Variants in MYO3A observed in about 807,000 individuals in gnomAD.
The protein encoded by MYO3A is myosin-IIIa.
In MYO3A, 180 loss-of-function variants were observed where a neutral mutation model predicts 192.7. The observed-to-expected ratio is 0.93, with a 90% CI of 0.83 to 1.06. MYO3A has a LOEUF of 1.06. MYO3A is among the 50% of genes least tolerant of loss of function. MYO3A has a pLI of 0.00. For synonymous variants in MYO3A, 628 were observed against 645.3 expected (o/e 0.97, Z 0.41); for missense variants, 1,896 against 1,905.0 (o/e 1.00, Z 0.09).
In MYO3A at chr10:26,174,543, A is replaced by G. The variant is rs1174111916; in HGVS notation, c.4279A>G (p.Ile1427Val). 3.1e-6 allele frequency: 5 copies of G among 1,613,762 alleles called. No individual in the cohort carries two copies. The Admixed American group carries it at 5.0e-5, about 16-fold the overall frequency. ...AGAAAGAGAAGCATGTGGTTTGGCA[A>G]TTTTTTCAAAACAGGTATGTGAATA... ...TSEREACGLA[I>V]FSKQISKLSE... The change falls in exon 30 of 35, where the codon ATT becomes GTT. Residue 1427 changes from isoleucine to valine, a missense_variant. Physicochemically the swap from Ile to Val is conservative, Grantham distance 29. Transcript: ENST00000642920.
Position 26,157,309 on chromosome 10 carries a change from G to A in MYO3A, c.2794-1G>A, listed in dbSNP as rs200531358. The stretch of plus-strand genomic sequence containing the variant: ...AAATTTATTTTTGTTGTGTATTATA[G>A]TATTCCCTGATGGATTTGTTGTCTA... On this transcript the variant is annotated splice_acceptor_variant, in intron 25 of 34. Transcript: ENST00000642920. LOFTEE classifies it high-confidence loss of function. The A allele has an allele frequency of 8.1e-6, 13 of 1,613,766 alleles. No homozygotes were observed. The East Asian group carries it at 1.8e-4, about 22-fold the overall frequency.
intron 26 of MYO3A, among the ~76,000 whole-genome samples, chr10:26,159,615 G>A (rs570288694): frequency 1.3e-5 from 2 of 152,098 alleles, no homozygotes; most frequent in East Asian, 1.9e-4. Context: ...TCCTGACCTC[G>A]TGATCCGCCA....
chr10:26,035,268 AAAT>A, intron 10 of MYO3A, among the ~76,000 whole-genome samples: 1 of 152,344 alleles, frequency 6.6e-6, no homozygotes, highest in East Asian at 1.9e-4. Flanking sequence ...AATAAAAACT[AAAT>A]GGCTTTTTAA....
intron 26 of MYO3A, among the ~76,000 whole-genome samples, chr10:26,162,888 C>G (rs1248883660): frequency 6.6e-6 from 1 of 152,166 alleles, no homozygotes; most frequent in Non-Finnish European, 1.5e-5. Flanking sequence ...TTTCATTACT[C>G]CAGTTAATCT....
chr10:25,989,521 A>G (rs2130848740), intron 4 of MYO3A, among the ~76,000 whole-genome samples: 1 of 152,262 alleles, frequency 6.6e-6, no homozygotes, highest in South Asian at 2.1e-4. Context: ...CTGAATGAAG[A>G]AAAACACCAA....
intron 14 of MYO3A, 50 bp from the exon 15 acceptor site, chr10:26,088,153 C>T: frequency 7.1e-7 from 1 of 1,398,816 alleles, no homozygotes; most frequent in Non-Finnish European, 9.8e-7. Flanking sequence ...TCATTATATA[C>T]CAAATTAATT....
Position 26,211,973 on chromosome 10 carries a change from G to A in MYO3A, c.*10G>A, listed in dbSNP as rs1433212660. On this transcript the variant is annotated 3_prime_UTR_variant, in exon 35 of 35. Coordinates refer to ENST00000642920, the MANE Select transcript of MYO3A (RefSeq NM_017433.5). ...CGTCCAGCAGTCCTAACCGTTCAAC[G>A]AGGCAGTCACCGCCGTCGGAAGGCG... 1.2e-6 allele frequency: 2 copies of A among 1,608,756 alleles called. No homozygotes were observed. Among genetic ancestry groups the A allele is most frequent in the South Asian group, 1.1e-5 (1 of 90,922 alleles).
chr10:26,009,161 G>C (rs1256520145), intron 6 of MYO3A, among the ~76,000 whole-genome samples: 1,582 of 149,588 alleles, frequency 0.011, 36 homozygotes, highest in African/African-American at 0.035. Flanking sequence ...CTCACTCATA[G>C]GTGGGAATTG....
intron 6 of MYO3A, among the ~76,000 whole-genome samples, chr10:26,008,458 G>T (rs1206464485): frequency 1.4e-5 from 2 of 148,036 alleles, no homozygotes; most frequent in Non-Finnish European, 3.0e-5. Context: ...CCTACAAAAT[G>T]GGAGAAAATT....
At chr10:26,138,222 A>G (rs12218737) in intron 20 of MYO3A, among the ~76,000 whole-genome samples, 99,394 of 152,078 alleles carry the variant, frequency 0.65, 32,921 homozygotes, top group Middle Eastern at 0.74. Flanking sequence ...GGTCACCCCC[A>G]GTGGCCCAGC....
intron 6 of MYO3A, among the ~76,000 whole-genome samples, chr10:25,997,844 A>G (rs577214949): frequency 8.9e-4 from 136 of 152,312 alleles, no homozygotes; most frequent in African/African-American, 3.1e-3. Context: ...AACATAATTG[A>G]GGCACTAAGT....
intron 20 of MYO3A, among the ~76,000 whole-genome samples, chr10:26,143,036 A>G (rs752481736): frequency 2.4e-4 from 37 of 152,204 alleles, no homozygotes; most frequent in Non-Finnish European, 4.4e-5. Context: ...CTCTCAGTTT[A>G]AGAGCAAGGT....
At chr10:25,980,917 C>G (rs1342714377) in intron 4 of MYO3A, among the ~76,000 whole-genome samples, 1 of 152,138 alleles carries the variant, frequency 6.6e-6, no homozygotes, top group African/African-American at 2.4e-5. Context: ...ATTTTGACAA[C>G]TGTATGATGA....
intron 2 of MYO3A, among the ~76,000 whole-genome samples, chr10:25,938,990 T>C (rs187468553): frequency 4.9e-4 from 75 of 152,274 alleles, no homozygotes; most frequent in African/African-American, 1.8e-3. Flanking sequence ...ATGATTTTTT[T>C]GTTTAACTTA....
chr10:26,026,941 C>T (rs542328612), intron 10 of MYO3A, among the ~76,000 whole-genome samples: 1 of 152,276 alleles, frequency 6.6e-6, no homozygotes, highest in East Asian at 1.9e-4. Context: ...ACCTTGTGAT[C>T]CGCCCACCTC....
chr10:26,099,727 A>G (rs536838684), intron 17 of MYO3A, among the ~76,000 whole-genome samples: 6 of 152,152 alleles, frequency 3.9e-5, no homozygotes, highest in Non-Finnish European at 8.8e-5. Flanking sequence ...TGATTTGCAT[A>G]TGTTGAACCA....
chr10:26,186,067 A>C (rs1842851662), intron 31 of MYO3A, among the ~76,000 whole-genome samples: 3 of 152,204 alleles, frequency 2.0e-5, no homozygotes, highest in Non-Finnish European at 4.4e-5. Context: ...AAAATGTTGC[A>C]GTAAATATCA....
intron 4 of MYO3A, among the ~76,000 whole-genome samples, chr10:25,965,910 A>G (rs1467215153): frequency 1.3e-5 from 2 of 150,646 alleles, no homozygotes; most frequent in African/African-American, 4.9e-5. Flanking sequence ...CCCATTGGCT[A>G]CCGGGGTAGG....
At position 26,153,930 on chromosome 10, in the gene MYO3A, GT is replaced by G; in HGVS notation, c.2715+2del. The G allele has an allele frequency of 6.3e-7, 1 of 1,577,320 alleles. No homozygotes were observed. The highest frequency in any genetic ancestry group is 8.7e-7 in the Non-Finnish European group (1 of 1,147,118). ...AGAAAAATTAATCAACCTGGCAAAG[GT>G]AAGAAAATGCTTTTTTTCTTGGCAG... On this transcript the variant is annotated splice_donor_variant, in intron 24 of 34. Coordinates refer to ENST00000642920, the MANE Select transcript of MYO3A (RefSeq NM_017433.5). LOFTEE classifies it high-confidence loss of function.
Sources: allele counts gnomAD v4.1 joint callset (sites outside exome capture counted in the v4.1 genomes callset), GRCh38; gene constraint gnomAD v4.1.1; transcripts MANE v1.5; gene names NCBI Gene and HGNC (gene_info 2026-07-23, HGNC 2026-07-21).